The following CTSL variants were observed in gnomAD, a reference collection of about 807,000 sequenced individuals.
CTSL encodes procathepsin L.
In CTSL, 23 loss-of-function variants were observed where a neutral mutation model predicts 34.7. The observed-to-expected ratio is 0.66, with a 90% CI of 0.48 to 0.94. The LOEUF (loss-of-function observed/expected upper bound fraction) is 0.94. Among genes scored for constraint, CTSL ranks in the 40% least tolerant of loss-of-function variants. The pLI is 0.00. For missense variants in CTSL, 361 were observed against 406.3 expected, an observed-to-expected ratio of 0.89 and a Z score of 0.96; for synonymous variants, 129 against 136.7, an observed-to-expected ratio of 0.94 and a Z score of 0.39.
intron 6 of CTSL, among the ~76,000 whole-genome samples, chr9:87,729,961 A>G (rs767224224): frequency 1.9e-4 from 29 of 152,320 alleles, no homozygotes; most frequent in South Asian, 4.1e-4. Flanking sequence ...ATAAATAGCT[A>G]TATTTACTGT....
chr9:87,726,998 C>T (rs1292300806), intron 1 of CTSL, among the ~76,000 whole-genome samples: 2 of 151,478 alleles, frequency 1.3e-5, no homozygotes, highest in East Asian at 3.9e-4. Flanking sequence ...GATATCGCGC[C>T]GTTGAACTCC....
intron 7 of CTSL, among the ~76,000 whole-genome samples, 197 bp from the exon 8 acceptor site, chr9:87,730,811 T>TCA (rs1329970026): frequency 1.3e-5 from 2 of 152,216 alleles, no homozygotes; most frequent in Non-Finnish European, 2.9e-5. Context: ...CTGTGAAAGG[T>TCA]CACAGTTTGG....
In CTSL at chr9:87,728,341, C is replaced by CAT; in HGVS notation, c.341_342insAT (p.Pro115SerfsTer13). 1 of 1,614,126 alleles carries CAT rather than the reference C, an allele frequency of 6.2e-7. No homozygotes were observed. The highest frequency in any genetic ancestry group is 8.5e-7 in the Non-Finnish European group (1 of 1,179,992). On this transcript the variant is annotated frameshift_variant, in exon 4 of 8. Transcript: ENST00000343150. LOFTEE classifies it high-confidence loss of function. ...TTCCAGGAACCTCTGTTTTATGAGGCCCCCAGATCTGTGGATTGGAGAGAG... is the reference window on the plus strand; with the variant it reads ...TTCCAGGAACCTCTGTTTTATGAGGCATCCCCAGATCTGTGGATTGGAGAGAG...
At position 87,727,581 on chromosome 9, in the gene CTSL, G is replaced by A; in HGVS notation, c.-10-13G>A. ...TTGGTCTAATCAGATCCTCATTTTT[G>A]TTCCCTTCCTAGGTTTTAAAACATG... On this transcript the variant is annotated splice_polypyrimidine_tract_variant and intron_variant, in intron 1 of 7. Coordinates refer to ENST00000343150, the MANE Select transcript of CTSL (RefSeq NM_001912.5). 1.2e-6 allele frequency: 2 copies of A among 1,610,114 alleles called. No individual in the cohort carries two copies. The highest frequency in any genetic ancestry group is 8.5e-7 in the Non-Finnish European group (1 of 1,179,464).
At chr9:87,730,580 T>C (rs1826219791) in intron 7 of CTSL, 82 bp downstream of exon 7, 1 of 946,142 alleles carries the variant, frequency 1.1e-6, no homozygotes, top group Non-Finnish European at 1.6e-6. Context: ...CAGTTCCACA[T>C]GCCCTTAGGC....
At chr9:87,730,239 T>G (rs1240551415) in intron 6 of CTSL, 142 bp from the exon 7 acceptor site, 2 of 500,336 alleles carry the variant, frequency 4.0e-6, no homozygotes, top group Non-Finnish European at 7.1e-6. Flanking sequence ...ATCCCTGGCC[T>G]TCTTATTGTT....
rs755375312 is a variant in CTSL at position 87,731,128 on chromosome 9, A to G, written c.*21A>G. On this transcript the variant is annotated 3_prime_UTR_variant, in exon 8 of 8. Transcript: ENST00000343150. Reference sequence around the variant, plus strand: ...TGTGAGCTGGTGGACGGTGATGAGGAAGGACTTGACTGGGGATGGCGCATG... The same window carrying G: ...TGTGAGCTGGTGGACGGTGATGAGGGAGGACTTGACTGGGGATGGCGCATG... 2 of 1,600,666 alleles carry G rather than the reference A, an allele frequency of 1.2e-6. No homozygotes were observed. Among genetic ancestry groups the G allele is most frequent in the South Asian group, 2.2e-5 (2 of 90,524 alleles).
intron 2 of CTSL, 142 bp downstream of exon 2, chr9:87,727,871 C>A: frequency 1.4e-6 from 2 of 1,399,722 alleles, no homozygotes; most frequent in Non-Finnish European, 2.0e-6. Context: ...GGACATTCAT[C>A]CTTGTTGTGT....
In CTSL at chr9:87,728,626, T is replaced by C; in HGVS notation, c.438T>C (p.Ala146=). The change falls in exon 5 of 8, where the codon GCT becomes GCC. Residue 146 remains alanine (A), a synonymous_variant. Coordinates refer to ENST00000343150, the MANE Select transcript of CTSL (RefSeq NM_001912.5). ...GTTGGGCTTTTAGTGCTACTGGTGC[T>C]CTTGAAGGACAGATGTTCCGGAAAA... ...GSCWAFSATG[A]LEGQMFRKTG... is the part of the protein sequence containing the mutation. 1 of 1,614,114 alleles carries C rather than the reference T, an allele frequency of 6.2e-7. No individual in the cohort carries two copies. Among genetic ancestry groups the C allele is most frequent in the Non-Finnish European group, 8.5e-7 (1 of 1,180,030 alleles).
At position 87,728,576 on chromosome 9, in the gene CTSL, C is replaced by G. The variant is rs1301604867; in HGVS notation, c.397-9C>G. 6.3e-7 allele frequency: 1 copy of G among 1,597,842 alleles called. No individual in the cohort carries two copies. Among genetic ancestry groups the G allele is most frequent in the Non-Finnish European group, 8.5e-7 (1 of 1,174,190 alleles). On this transcript the variant is annotated splice_polypyrimidine_tract_variant and intron_variant, in intron 4 of 7. Coordinates refer to ENST00000343150, the MANE Select transcript of CTSL (RefSeq NM_001912.5). ...TGTGGATGACAGCTTTTTTTAATTC[C>G]CTTTTCAGGGTCAGTGTGGTTCTTG...
chr9:87,729,098 C>T (rs928852834), intron 5 of CTSL: 7 of 693,682 alleles, frequency 1.0e-5, no homozygotes, highest in Non-Finnish European at 1.6e-5. Flanking sequence ...AGGGCGATTG[C>T]TTGAGTGTGG....
chr9:87,729,517 T>A (rs1826171985), intron 5 of CTSL, 56 bp from the exon 6 acceptor site: 16 of 1,502,514 alleles, frequency 1.1e-5, no homozygotes, highest in Non-Finnish European at 9.2e-7. Flanking sequence ...TAACTCATGT[T>A]CTCCAGGAGG....
intron 6 of CTSL, 64 bp downstream of exon 6, chr9:87,729,799 T>C: frequency 6.6e-7 from 1 of 1,508,020 alleles, no homozygotes; most frequent in Non-Finnish European, 8.9e-7. Context: ...ACGAGCATGA[T>C]AGACTCTGGT....
intron 2 of CTSL, 97 bp downstream of exon 2, chr9:87,727,826 T>A: frequency 6.8e-7 from 1 of 1,475,564 alleles, no homozygotes; most frequent in Non-Finnish European, 9.3e-7. Flanking sequence ...TAGCCTAATG[T>A]AATAACCTAA....
At position 87,729,573 on chromosome 9, in the gene CTSL, G is replaced by A. The variant is rs764989988; in HGVS notation, c.622G>A (p.Glu208Lys). The change falls in exon 6 of 8, where the codon GAA becomes AAA. Residue 208 changes from glutamate to lysine, a missense_variant and splice_region_variant. Coordinates refer to ENST00000343150, the MANE Select transcript of CTSL (RefSeq NM_001912.5). Reference sequence around the variant, plus strand: ...TTTTTTTTCCCTTTACCTTTGAAAGGAAGAATCCTGTAAGTACAATCCCAA... The same window carrying A: ...TTTTTTTTCCCTTTACCTTTGAAAGAAAGAATCCTGTAAGTACAATCCCAA... The part of the protein sequence containing the change: ...SEESYPYEAT[E>K]ESCKYNPKYS... 1.9e-6 allele frequency: 3 copies of A among 1,612,680 alleles called. No homozygotes were observed. In the South Asian group the frequency reaches 3.3e-5, roughly 18 times the overall value.
Position 87,728,246 on chromosome 9 carries a change from G to A in CTSL, c.250-4G>A, listed in dbSNP as rs746735432. On this transcript the variant is annotated splice_region_variant and splice_polypyrimidine_tract_variant and intron_variant, in intron 3 of 7. Coordinates refer to ENST00000343150, the MANE Select transcript of CTSL (RefSeq NM_001912.5). ...TTCAACATTTTATTTCCTTTTCCTTGAAGACCAGTGAAGAATTCAGGCAGG... is the reference window on the plus strand; with the variant it reads ...TTCAACATTTTATTTCCTTTTCCTTAAAGACCAGTGAAGAATTCAGGCAGG... 6.2e-7 allele frequency: 1 copy of A among 1,613,974 alleles called. No homozygotes were observed. The highest frequency in any genetic ancestry group is 8.5e-7 in the Non-Finnish European group (1 of 1,179,988).
chr9:87,727,970 A>G, intron 2 of CTSL, 57 bp from the exon 3 acceptor site: 2 of 1,605,322 alleles, frequency 1.2e-6, no homozygotes, highest in Admixed American at 3.3e-5. Context: ...TCACTTGGTG[A>G]GGATGAGTTG....
In CTSL at chr9:87,729,772, A is replaced by G. The variant is rs532626014; in HGVS notation, c.784+37A>G. On this transcript the variant is annotated intron_variant, in intron 6 of 7. Transcript: ENST00000343150. ...TTTCTTTGTAGAAATTGATGCAGAAAAAGAGTATCATGACATACGAGCATG... is the reference window on the plus strand; with the variant it reads ...TTTCTTTGTAGAAATTGATGCAGAAGAAGAGTATCATGACATACGAGCATG... 1,274 of 1,576,956 alleles carry G rather than the reference A, an allele frequency of 8.1e-4. 26 individuals are homozygous for G. The South Asian group carries it at 0.014, about 17-fold the overall frequency.
In CTSL at chr9:87,728,823, C is replaced by T. The variant is rs1446002547; in HGVS notation, c.621+14C>T. ...TATGAGGCAACAGTAAGTGGAGCTC[C>T]TTGTCATCATTCCAGCTCAGCTTTT... On this transcript the variant is annotated intron_variant, in intron 5 of 7. Coordinates refer to ENST00000343150, the MANE Select transcript of CTSL (RefSeq NM_001912.5). The T allele has an allele frequency of 8.1e-6, 13 of 1,614,144 alleles. No individual in the cohort carries two copies. The highest frequency in any genetic ancestry group is 6.6e-5 in the South Asian group (6 of 91,074).
Sources: allele counts gnomAD v4.1 joint callset (sites outside exome capture counted in the v4.1 genomes callset), GRCh38; gene constraint gnomAD v4.1.1; transcripts MANE v1.5; gene names NCBI Gene and HGNC (gene_info 2026-07-23, HGNC 2026-07-21).